The following KAZN variants were observed in gnomAD, a reference collection of about 807,000 sequenced individuals.
KAZN encodes the protein kazrin, periplakin interacting protein, also known as kazrin.
KAZN carries 40 observed loss-of-function variants against 87.4 expected under a neutral mutation model. That is an observed-to-expected ratio of 0.46 (90% CI 0.36 to 0.60). KAZN has a LOEUF of 0.60. KAZN is among the 20% of genes least tolerant of loss of function. The pLI is 0.00. For missense variants in KAZN, 898 were observed against 1,073.9 expected (o/e 0.84, Z 2.29); for synonymous variants, 466 against 458.3 (o/e 1.02, Z -0.22).
chr1:14,721,566 G>T (rs1005398668), intron 1 of KAZN, among the ~76,000 whole-genome samples: 9 of 152,338 alleles, frequency 5.9e-5, no homozygotes, highest in African/African-American at 2.2e-4. Flanking sequence ...TTCGAGGTCT[G>T]GTTGTGTTGA....
chr1:14,218,903 T>TGC, intron 2 of KAZN, among the ~76,000 whole-genome samples: 1 of 13,264 alleles, frequency 7.5e-5, no homozygotes, highest in Non-Finnish European at 1.1e-4. Context: ...CTAGGCATTG[T>TGC]ACATTTGCTG....
At chr1:15,110,352 TTGTG>T (rs1200306305) in intron 13 of KAZN, among the ~76,000 whole-genome samples, 4 of 149,968 alleles carry the variant, frequency 2.7e-5, no homozygotes, top group Admixed American at 6.7e-5. Context: ...GTGTGTATGT[TTGTG>T]TGTATGTGTG....
chr1:14,884,314 C>A (rs1007956443), intron 1 of KAZN, among the ~76,000 whole-genome samples: 1 of 152,104 alleles, frequency 6.6e-6, no homozygotes, highest in African/African-American at 2.4e-5. Context: ...ATCGCTTGAA[C>A]CCGGGAGGCA....
chr1:14,752,936 T>C (rs1466484735), intron 1 of KAZN, among the ~76,000 whole-genome samples: 2 of 152,212 alleles, frequency 1.3e-5, no homozygotes, highest in African/African-American at 4.8e-5. Context: ...CACTCAGAGG[T>C]AACCAGAGAG....
chr1:14,154,309 G>A (rs1004467194), intron 1 of KAZN, among the ~76,000 whole-genome samples: 1 of 152,092 alleles, frequency 6.6e-6, no homozygotes, highest in African/African-American at 2.4e-5. Context: ...TTCACTGTAG[G>A]CATACAGAAA....
At chr1:15,016,563 G>A (rs1670127741) in intron 2 of KAZN, among the ~76,000 whole-genome samples, 1 of 152,178 alleles carries the variant, frequency 6.6e-6, no homozygotes, top group Non-Finnish European at 1.5e-5. Flanking sequence ...TGGGATTACA[G>A]GCATGAGCCA....
intron 10 of KAZN, among the ~76,000 whole-genome samples, chr1:15,095,221 A>T (rs1197325212): frequency 6.6e-6 from 1 of 151,906 alleles, no homozygotes; most frequent in East Asian, 1.9e-4. Context: ...GCCCCCCAGC[A>T]CTCCTCTGCC....
At chr1:13,904,108 G>C (rs1324553849) in intron 1 of KAZN, among the ~76,000 whole-genome samples, 1 of 152,210 alleles carries the variant, frequency 6.6e-6, no homozygotes, top group Non-Finnish European at 1.5e-5. Context: ...ACATGGAGCA[G>C]TTGTCTGAAA....
At position 14,577,739 on chromosome 1, in the gene KAZN, T is replaced by C. The variant is rs1675278491; in HGVS notation, c.250-21244T>C. 1.3e-5 allele frequency among the ~76,000 whole-genome samples: 2 copies of C among 152,218 alleles called. 1 individual carries two copies. The highest frequency in any genetic ancestry group is 4.8e-5 in the African/African-American group (2 of 41,462). Reference sequence around the variant, plus strand: ...CATTGCATTCCCTTCCCAATCGTGATAGTGATCATTGCATTCCTGACCATT... The same window carrying C: ...CATTGCATTCCCTTCCCAATCGTGACAGTGATCATTGCATTCCTGACCATT... On this transcript the variant is annotated intron_variant, in intron 2 of 16. Coordinates refer to the KAZN transcript ENST00000636203.
chr1:13,931,070 T>C (rs958135927), intron 1 of KAZN, among the ~76,000 whole-genome samples: 1 of 152,218 alleles, frequency 6.6e-6, no homozygotes, highest in Non-Finnish European at 1.5e-5. Flanking sequence ...CAGTAAAATC[T>C]TGTGGTCAGA....
rs557359644 is a variant in KAZN, at chr1:14,951,482, C to G, written c.227-9202C>G. 2.5e-3 allele frequency among the ~76,000 whole-genome samples: 382 copies of G among 151,020 alleles called. 1 individual carries two copies. Among genetic ancestry groups the G allele is most frequent in the Non-Finnish European group, 4.7e-3 (317 of 67,816 alleles). On this transcript the variant is annotated intron_variant, in intron 1 of 14. Coordinates refer to ENST00000376030, the MANE Select transcript of KAZN (RefSeq NM_201628.3). Reference sequence around the variant, plus strand: ...TTTTTATTTTATTTATTTATTCATTCATTCATTTATTTTAGACATAGCCTC... The same window carrying G: ...TTTTTATTTTATTTATTTATTCATTGATTCATTTATTTTAGACATAGCCTC...
intron 1 of KAZN, among the ~76,000 whole-genome samples, chr1:14,831,036 T>G (rs1464546074): frequency 6.6e-6 from 1 of 152,344 alleles, no homozygotes; most frequent in East Asian, 1.9e-4. Context: ...TCTCTCCCAC[T>G]TTTAGTAGAG....
intron 1 of KAZN, among the ~76,000 whole-genome samples, chr1:14,604,726 C>A (rs548040441): frequency 1.3e-5 from 2 of 152,222 alleles, no homozygotes; most frequent in Admixed American, 6.5e-5. Flanking sequence ...TTGGCTGGGT[C>A]ATGTCAGACC....
intron 2 of KAZN, among the ~76,000 whole-genome samples, chr1:14,412,803 AT>A (rs942865621): frequency 1.3e-5 from 2 of 151,528 alleles, no homozygotes; most frequent in African/African-American, 4.8e-5. Flanking sequence ...ACACAAAATA[AT>A]TTTTAAAAAG....
At chr1:14,411,114 A>C (rs1161598702) in intron 2 of KAZN, among the ~76,000 whole-genome samples, 1 of 152,258 alleles carries the variant, frequency 6.6e-6, no homozygotes, top group East Asian at 1.9e-4. Flanking sequence ...GAGAATGCCA[A>C]ATACAGAAGA....
chr1:14,156,234 A>G (rs1460530924), intron 1 of KAZN, among the ~76,000 whole-genome samples: 1 of 152,162 alleles, frequency 6.6e-6, no homozygotes, highest in African/African-American at 2.4e-5. Flanking sequence ...TGAATGTTTT[A>G]AGATTTGTTT....
At chr1:14,897,610 G>A (rs561576839) in intron 1 of KAZN, among the ~76,000 whole-genome samples, 2 of 120,392 alleles carry the variant, frequency 1.7e-5, no homozygotes, top group South Asian at 6.1e-4. Context: ...GAATAATAAT[G>A]ATACTTTCCA....
intron 8 of KAZN, among the ~76,000 whole-genome samples, chr1:15,080,857 C>A (rs558006946): frequency 2.0e-5 from 3 of 151,818 alleles, no homozygotes. Flanking sequence ...ATGCTGGGGA[C>A]GCTGGGAGCA....
chr1:13,940,008 A>C (rs76784931), intron 1 of KAZN, among the ~76,000 whole-genome samples: 2,559 of 152,282 alleles, frequency 0.017, 23 homozygotes, highest in Non-Finnish European at 0.026. Context: ...ACCAGGTCCC[A>C]CCTCCAATGA....
Sources: gnomAD v4.1 joint callset for allele counts (sites outside exome capture counted in the v4.1 genomes callset) on GRCh38, gnomAD v4.1.1 for gene constraint, MANE v1.5 for transcripts, NCBI Gene and HGNC (gene_info 2026-07-23, HGNC 2026-07-21) for gene names.